The following SNRPA1 variants were observed in gnomAD, a reference collection of about 807,000 sequenced individuals.
SNRPA1 encodes the protein small nuclear ribonucleoprotein polypeptide A'.
Under a neutral mutation model 32.3 loss-of-function variants are expected in SNRPA1, and 5 were observed. The observed-to-expected ratio is 0.15, with a 90% CI of 0.08 to 0.33. The LOEUF (loss-of-function observed/expected upper bound fraction) is 0.33. SNRPA1 is among the 10% of genes least tolerant of loss of function. SNRPA1 has a pLI of 1.00. For missense variants in SNRPA1, 198 were observed against 311.1 expected (o/e 0.64, Z 2.74); for synonymous variants, 111 against 120.1 (o/e 0.92, Z 0.50).
chr15:101,287,465 G>C (rs1222078931), intron 4 of SNRPA1, among the ~76,000 whole-genome samples, 191 bp downstream of exon 4: 1 of 152,104 alleles, frequency 6.6e-6, no homozygotes, highest in Non-Finnish European at 1.5e-5. Flanking sequence ...ATAGTTTGCT[G>C]AGAATGATGG....
chr15:101,288,558 A>T (rs2039482966), intron 3 of SNRPA1: 2 of 152,142 alleles, frequency 1.3e-5, no homozygotes, highest in African/African-American at 4.8e-5. Context: ...GGCAGGGTGA[A>T]TTTTTAATCT....
chr15:101,292,242 C>A (rs1356871153), intron 2 of SNRPA1, among the ~76,000 whole-genome samples: 1 of 152,206 alleles, frequency 6.6e-6, no homozygotes, highest in East Asian at 1.9e-4. Flanking sequence ...CTGCCTGGGG[C>A]TAATTCCACT....
In SNRPA1 at chr15:101,281,718, C is replaced by A. The variant is rs1469427647; in HGVS notation, c.*6G>T. 3.1e-6 allele frequency: 5 copies of A among 1,607,584 alleles called. No homozygotes were observed. The highest frequency in any genetic ancestry group is 1.3e-5 in the African/African-American group (1 of 74,900). ...AGGGCCTATTATTATACATCTGCCT[C>A]ACTGCTCAGGACCCGTTTGTGACTG... On this transcript the variant is annotated 3_prime_UTR_variant, in exon 9 of 9. Transcript: ENST00000254193.
chr15:101,287,358 C>T (rs559714570), intron 4 of SNRPA1, among the ~76,000 whole-genome samples: 6 of 152,160 alleles, frequency 3.9e-5, no homozygotes, highest in East Asian at 1.9e-4. Context: ...CAACAGGCCC[C>T]GGTGTGTGAT....
intron 5 of SNRPA1, 29 bp from the exon 6 acceptor site, chr15:101,286,322 G>A (rs1300063025): frequency 1.3e-6 from 2 of 1,597,068 alleles, no homozygotes; most frequent in East Asian, 2.2e-5. Flanking sequence ...CAGAGTTAAT[G>A]GAAATAGGAA....
At position 101,285,370 on chromosome 15, in the gene SNRPA1, A is replaced by G. The variant is rs2039443367; in HGVS notation, c.616-310T>C. On this transcript the variant is annotated intron_variant, in intron 7 of 8. Transcript: ENST00000254193. Reference sequence around the variant, plus strand: ...CTGAATAATTTAAGGAGGCAATATTATAAAACGAGGGTCCCTACTGATCAG... The same window carrying G: ...CTGAATAATTTAAGGAGGCAATATTGTAAAACGAGGGTCCCTACTGATCAG... Among the ~76,000 whole-genome samples the G allele has an allele frequency of 5.9e-5, 9 of 152,362 alleles. No individual in the cohort carries two copies. The South Asian group carries it at 1.7e-3, about 28-fold the overall frequency.
chr15:101,294,210 G>A (rs940377964), intron 1 of SNRPA1, among the ~76,000 whole-genome samples: 2 of 152,220 alleles, frequency 1.3e-5, no homozygotes, highest in African/African-American at 2.4e-5. Context: ...CGCTCCAGCT[G>A]GGGCGGAAAG....
chr15:101,286,893 C>A lies in SNRPA1; in HGVS notation c.459+15G>T. Reference sequence around the variant, plus strand: ...CAACTCTATAATGGCTCACAAGCAACAGATTACTACTTACTTTTAGTTTCA... The same window carrying A: ...CAACTCTATAATGGCTCACAAGCAAAAGATTACTACTTACTTTTAGTTTCA... On this transcript the variant is annotated intron_variant, in intron 5 of 8. Transcript: ENST00000254193. 6 of 1,343,444 alleles carry A rather than the reference C, an allele frequency of 4.5e-6. No homozygotes were observed. Among genetic ancestry groups the A allele is most frequent in the Non-Finnish European group, 6.4e-6 (6 of 939,054 alleles). 83.2% of individuals were successfully genotyped at this position (1,343,444 alleles called of 1,614,324 possible).
chr15:101,285,134 A>C, intron 7 of SNRPA1, 74 bp from the exon 8 acceptor site: 1 of 1,002,918 alleles, frequency 1.0e-6, no homozygotes, highest in East Asian at 2.4e-5. Context: ...ACTAAGTGTC[A>C]ATCACCTACA....
At chr15:101,291,914 T>A in intron 3 of SNRPA1, 48 bp downstream of exon 3, 1 of 1,194,228 alleles carries the variant, frequency 8.4e-7, no homozygotes, top group Non-Finnish European at 1.2e-6. Context: ...AAGCACATAG[T>A]ACCTTTAACC....
Position 101,281,586 on chromosome 15 carries a change from A to C in SNRPA1, c.*138T>G. 1 of 635,536 alleles carries C rather than the reference A, an allele frequency of 1.6e-6. No individual in the cohort carries two copies. The highest frequency in any genetic ancestry group is 2.8e-6 in the Non-Finnish European group (1 of 351,618). 39.4% of individuals were successfully genotyped at this position (635,536 alleles called of 1,614,324 possible). ...TTTAGATTTCAAAACTTATATTACAAAATTATCAGCAGCAGTCTTAAGCAT... is the reference window on the plus strand; with the variant it reads ...TTTAGATTTCAAAACTTATATTACACAATTATCAGCAGCAGTCTTAAGCAT... On this transcript the variant is annotated 3_prime_UTR_variant, in exon 9 of 9. Transcript: ENST00000254193.
intron 3 of SNRPA1, among the ~76,000 whole-genome samples, chr15:101,289,586 A>C (rs1377905423): frequency 1.3e-5 from 2 of 152,176 alleles, no homozygotes; most frequent in Non-Finnish European, 2.9e-5. Context: ...AAATGTAAAC[A>C]GACTAAATAT....
rs147131992 is a variant in SNRPA1, at chr15:101,291,894, T to C, written c.309+68A>G. Reference sequence around the variant, plus strand: ...AGATCATTTTCTAGATTTTGTAAATTTTCTGTAGGAAGCACATAGTACCTT... The same window carrying C: ...AGATCATTTTCTAGATTTTGTAAATCTTCTGTAGGAAGCACATAGTACCTT... On this transcript the variant is annotated intron_variant, in intron 3 of 8. Coordinates refer to ENST00000254193, the MANE Select transcript of SNRPA1 (RefSeq NM_003090.4). The C allele has an allele frequency of 6.3e-4, 616 of 979,496 alleles. 2 individuals carry two copies. In the African/African-American group the frequency reaches 9.3e-3, roughly 15 times the overall value. 60.7% of individuals were successfully genotyped at this position (979,496 alleles called of 1,614,324 possible).
intron 3 of SNRPA1, 34 bp downstream of exon 3, chr15:101,291,928 C>T (rs1428081559): frequency 1.4e-6 from 2 of 1,409,582 alleles, no homozygotes; most frequent in African/African-American, 1.4e-5. Context: ...TTTAACCCCA[C>T]CCACCAAATA....
intron 8 of SNRPA1, among the ~76,000 whole-genome samples, chr15:101,283,249 T>C (rs1186005538): frequency 2.0e-5 from 3 of 152,160 alleles, no homozygotes; most frequent in African/African-American, 7.2e-5. Context: ...TTGGTGTTAT[T>C]AGATGAAAAC....
intron 3 of SNRPA1, 113 bp downstream of exon 3, chr15:101,291,849 A>G: frequency 1.6e-6 from 1 of 641,378 alleles, no homozygotes; most frequent in South Asian, 2.3e-5. Flanking sequence ...ATTAAGAAAA[A>G]GACAAGAAAG....
rs572062444 is a variant in SNRPA1, at chr15:101,285,364, A to G, written c.616-304T>C. Among the ~76,000 whole-genome samples the G allele has an allele frequency of 3.9e-5, 6 of 152,362 alleles. No individual in the cohort carries two copies. In the South Asian group the frequency reaches 1.0e-3, roughly 26 times the overall value. On this transcript the variant is annotated intron_variant, in intron 7 of 8. Coordinates refer to ENST00000254193, the MANE Select transcript of SNRPA1 (RefSeq NM_003090.4). Reference sequence around the variant, plus strand: ...ATGTTACTGAATAATTTAAGGAGGCAATATTATAAAACGAGGGTCCCTACT... The same window carrying G: ...ATGTTACTGAATAATTTAAGGAGGCGATATTATAAAACGAGGGTCCCTACT...
rs762021287 is a variant in SNRPA1, at chr15:101,287,004, T to C, written c.363A>G (p.Leu121=). ...SLKSLTYLSI[L]RNPVTNKKHY... ...GCTTCTTATTGGTTACCGGATTTCT[T>C]AGGATACTACAAGAAAAGGAATGAC... Residue 121 remains leucine (L), a synonymous_variant, in exon 5 of 9, where the codon CTA becomes CTG. Transcript: ENST00000254193. 3.2e-6 allele frequency: 5 copies of C among 1,578,706 alleles called. No homozygotes were observed. Among genetic ancestry groups the C allele is most frequent in the Non-Finnish European group, 3.5e-6 (4 of 1,149,110 alleles).
chr15:101,289,510 G>C (rs954127266), intron 3 of SNRPA1, among the ~76,000 whole-genome samples: 7 of 152,176 alleles, frequency 4.6e-5, no homozygotes, highest in Non-Finnish European at 8.8e-5. Context: ...ATTGAAGAAC[G>C]GGTGGGACAG....
Sources: gnomAD v4.1 joint callset for allele counts (sites outside exome capture counted in the v4.1 genomes callset) on GRCh38, gnomAD v4.1.1 for gene constraint, MANE v1.5 for transcripts, NCBI Gene and HGNC (gene_info 2026-07-23, HGNC 2026-07-21) for gene names.